Variants in CBLB observed in about 807,000 individuals in gnomAD.
The protein encoded by CBLB is Cbl proto-oncogene B, also known as E3 ubiquitin-protein ligase CBL-B.
In CBLB, 31 loss-of-function variants were observed where a neutral mutation model predicts 104.9. The observed-to-expected ratio is 0.30, with a 90% CI of 0.22 to 0.40. CBLB has a LOEUF of 0.40. Ranked by LOEUF, CBLB falls within the 10% of genes least tolerant of loss-of-function variation. The pLI is 1.00. For missense variants in CBLB, 1,062 were observed against 1,214.6 expected (o/e 0.87, Z 1.87); for synonymous variants, 440 against 422.6 (o/e 1.04, Z -0.51).
At chr3:105,780,666 T>TTTTTTTTTTTTTTTTTTTTTTTTTTTG (rs2080125719) in intron 3 of CBLB, among the ~76,000 whole-genome samples, 2 of 122,766 alleles carry the variant, frequency 1.6e-5, no homozygotes, top group African/African-American at 6.0e-5. Context: ...TTTTGTTTTT[T>TTTTTTTTTTTTTTTTTTTTTTTTTTTG]TTTTTTTTTT....
At chr3:105,668,760 A>G (rs2064749129) in intron 18 of CBLB, among the ~76,000 whole-genome samples, 1 of 152,132 alleles carries the variant, frequency 6.6e-6, no homozygotes, top group African/African-American at 2.4e-5. Context: ...ATATAAATAC[A>G]CAGGGATTTC....
At chr3:105,814,831 A>T (rs780264426) in intron 3 of CBLB, among the ~76,000 whole-genome samples, 6 of 152,064 alleles carry the variant, frequency 3.9e-5, no homozygotes, top group Admixed American at 1.3e-4. Context: ...AATGAATATG[A>T]GAAGAAAATC....
At chr3:105,761,495 A>G (rs564329044) in intron 4 of CBLB, among the ~76,000 whole-genome samples, 11 of 152,280 alleles carry the variant, frequency 7.2e-5, no homozygotes, top group Admixed American at 2.0e-4. Flanking sequence ...GGTAGTAAAT[A>G]AGCCACATGA....
chr3:105,707,075 G>A (rs192440634), intron 10 of CBLB, among the ~76,000 whole-genome samples: 22 of 152,284 alleles, frequency 1.4e-4, no homozygotes, highest in Admixed American at 1.4e-3. Flanking sequence ...GGGTAAATTT[G>A]ATTTCAGATG....
chr3:105,707,156 T>C (rs1438550434), intron 10 of CBLB, among the ~76,000 whole-genome samples: 1 of 152,190 alleles, frequency 6.6e-6, no homozygotes, highest in Non-Finnish European at 1.5e-5. Flanking sequence ...AACCAATGTG[T>C]GTGGCAAAGT....
At chr3:105,801,979 G>A (rs573566092) in intron 3 of CBLB, among the ~76,000 whole-genome samples, 13 of 152,276 alleles carry the variant, frequency 8.5e-5, no homozygotes, top group African/African-American at 3.1e-4. Flanking sequence ...GTTCAAATGC[G>A]TGAATGAAAG....
intron 3 of CBLB, among the ~76,000 whole-genome samples, chr3:105,787,964 C>T (rs192144657): frequency 1.1e-4 from 17 of 152,070 alleles, no homozygotes; most frequent in African/African-American, 3.4e-4. Context: ...AACACTGAAA[C>T]CATATGAAAA....
At chr3:105,791,714 A>C (rs991999981) in intron 3 of CBLB, among the ~76,000 whole-genome samples, 1 of 152,184 alleles carries the variant, frequency 6.6e-6, no homozygotes, top group Non-Finnish European at 1.5e-5. Context: ...TTGTCACAAA[A>C]ATCTGTTTTC....
chr3:105,786,601 A>G (rs2081057469), intron 3 of CBLB, among the ~76,000 whole-genome samples: 2 of 152,204 alleles, frequency 1.3e-5, no homozygotes, highest in East Asian at 3.8e-4. Flanking sequence ...CTTCCCCAAA[A>G]GAAAAACCTC....
At chr3:105,819,167 G>A (rs759625573) in intron 3 of CBLB, among the ~76,000 whole-genome samples, 22 of 152,188 alleles carry the variant, frequency 1.4e-4, no homozygotes, top group Non-Finnish European at 3.2e-4. Flanking sequence ...TATTTAAGTT[G>A]GAGCATAAAT....
intron 3 of CBLB, among the ~76,000 whole-genome samples, chr3:105,779,061 A>T (rs1165694642): frequency 6.6e-6 from 1 of 152,196 alleles, no homozygotes. Context: ...GAAAAATCAA[A>T]ATGGCTATAA....
chr3:105,688,947 C>G (rs1342217631), intron 13 of CBLB, among the ~76,000 whole-genome samples: 1 of 152,090 alleles, frequency 6.6e-6, no homozygotes, highest in East Asian at 1.9e-4. Context: ...TATCCAGCCT[C>G]TGTGCTCTTC....
intron 4 of CBLB, among the ~76,000 whole-genome samples, chr3:105,767,198 A>C (rs1330351854): frequency 2.0e-5 from 3 of 152,034 alleles, no homozygotes; most frequent in Non-Finnish European, 4.4e-5. Context: ...TCTGCTAAAA[A>C]TTTTCATTGT....
chr3:105,823,591 T>C (rs1867194), intron 3 of CBLB, among the ~76,000 whole-genome samples: 137,999 of 152,202 alleles, frequency 0.91, 62,908 homozygotes, highest in Non-Finnish European at 0.96. Context: ...CAAATCCTCC[T>C]GACTGAGTCA....
chr3:105,864,660 T>C lies in CBLB; in HGVS notation c.168+2750A>G, dbSNP rs115446707. Among the ~76,000 whole-genome samples the C allele has an allele frequency of 4.3e-3, 653 of 152,282 alleles. 4 individuals carry two copies. The highest frequency in any genetic ancestry group is 0.015 in the African/African-American group (619 of 41,562). On this transcript the variant is annotated intron_variant, in intron 2 of 18. Coordinates refer to ENST00000394030, the MANE Select transcript of CBLB (RefSeq NM_170662.5). ...CTGTTACAAAACACTCTACATCTTATAAGGAACACAACTGAGCAATTACGC... is the reference window on the plus strand; with the variant it reads ...CTGTTACAAAACACTCTACATCTTACAAGGAACACAACTGAGCAATTACGC...
At position 105,822,103 on chromosome 3, in the gene CBLB, T is replaced by C. The variant is rs546292041; in HGVS notation, c.419+31311A>G. ...CTATTATAAATAACTTATATTATTA[T>C]TTATCATTATCTTTTATTCATCTGC... On this transcript the variant is annotated intron_variant, in intron 3 of 18. Coordinates refer to ENST00000394030, the MANE Select transcript of CBLB (RefSeq NM_170662.5). 9.2e-5 allele frequency among the ~76,000 whole-genome samples: 14 copies of C among 152,270 alleles called. No homozygotes were observed. In the South Asian group the frequency reaches 2.9e-3, roughly 32 times the overall value.
Position 105,720,245 on chromosome 3 carries a change from C to T in CBLB, c.1209G>A (p.Ser403=), listed in dbSNP as rs9657909. The change falls in exon 10 of 19, where the codon TCG becomes TCA. Residue 403 remains serine (S), a synonymous_variant. Transcript: ENST00000394030. The part of the protein sequence containing the change: ...CTSCLTAWQE[S]DGQGCPFCRC... ...GACAGAAAGGGCAGCCCTGACCATC[C>T]GACTCCTAAACAAATAGAAAATGCA... 370 of 1,611,656 alleles carry T rather than the reference C, an allele frequency of 2.3e-4. No homozygotes were observed. The African/African-American group carries it at 3.7e-3, about 16-fold the overall frequency.
chr3:105,844,034 C>T (rs1302033560), intron 3 of CBLB, among the ~76,000 whole-genome samples: 1 of 152,172 alleles, frequency 6.6e-6, no homozygotes, highest in African/African-American at 2.4e-5. Context: ...CAAGGGTAGG[C>T]TCTGATCCAA....
chr3:105,733,952 A>G, intron 9 of CBLB, 57 bp downstream of exon 9: 1 of 1,538,122 alleles, frequency 6.5e-7, no homozygotes, highest in Admixed American at 1.7e-5. Context: ...AGAAAACTGA[A>G]AAGAGAAATA....
Sources: gnomAD v4.1 joint callset for allele counts (sites outside exome capture counted in the v4.1 genomes callset) on GRCh38, gnomAD v4.1.1 for gene constraint, MANE v1.5 for transcripts, NCBI Gene and HGNC (gene_info 2026-07-23, HGNC 2026-07-21) for gene names.